Variants in AUTS2 observed in about 807,000 individuals in gnomAD.
The protein encoded by AUTS2 is autism susceptibility gene 2 protein.
In AUTS2, 17 loss-of-function variants were observed where a neutral mutation model predicts 112.4. That is an observed-to-expected ratio of 0.15 (90% CI 0.10 to 0.23). The LOEUF (loss-of-function observed/expected upper bound fraction) is 0.23. AUTS2 is among the 10% of genes least tolerant of loss of function. The pLI, the probability that AUTS2 is intolerant of heterozygous loss-of-function variation, is 1.00. For missense variants in AUTS2, 1,510 were observed against 1,701.6 expected, an observed-to-expected ratio of 0.89 and a Z score of 1.98; for synonymous variants, 751 against 702.7, an observed-to-expected ratio of 1.07 and a Z score of -1.09.
intron 2 of AUTS2, among the ~76,000 whole-genome samples, chr7:70,055,176 T>C (rs547923113): frequency 1.3e-5 from 2 of 152,344 alleles, no homozygotes; most frequent in South Asian, 4.1e-4. Context: ...GGCTCACTTC[T>C]GTAATGCCAG....
chr7:70,730,898 A>T (rs1218518345), intron 6 of AUTS2, among the ~76,000 whole-genome samples: 1 of 152,208 alleles, frequency 6.6e-6, no homozygotes, highest in Non-Finnish European at 1.5e-5. Context: ...GTTTCTCCAT[A>T]TACTTGTCAG....
At position 70,243,231 on chromosome 7, in the gene AUTS2, T is replaced by TTGTGTG. The variant is rs3078161; in HGVS notation, c.660+108704_660+108709dup. On this transcript the variant is annotated intron_variant, in intron 4 of 18. Coordinates refer to ENST00000342771, the MANE Select transcript of AUTS2 (RefSeq NM_015570.4). ...AAAATAGAGAGGAAAGAATGTATCC[T>TTGTGTG]TGTGTGTGTGTGTGTGTGTGTGTGT... 2.1e-3 allele frequency among the ~76,000 whole-genome samples: 273 copies of TTGTGTG among 131,750 alleles called. 1 individual carries two copies. Among genetic ancestry groups the TTGTGTG allele is most frequent in the East Asian group, 0.015 (67 of 4,490 alleles). The allele number at this position is 131,750 out of a possible 152,430, so 86.4% of individuals were successfully genotyped here.
At chr7:70,488,898 C>T (rs188047862) in intron 5 of AUTS2, among the ~76,000 whole-genome samples, 2 of 152,334 alleles carry the variant, frequency 1.3e-5, no homozygotes, top group Admixed American at 6.5e-5. Context: ...CTCTGTCCCA[C>T]GGGCTCACTT....
chr7:69,886,926 C>T (rs1258017552), intron 1 of AUTS2, among the ~76,000 whole-genome samples: 3 of 152,106 alleles, frequency 2.0e-5, no homozygotes, highest in Non-Finnish European at 4.4e-5. Flanking sequence ...AGGCATACGC[C>T]ACCACACCCA....
At chr7:70,398,980 CTTTT>C in intron 4 of AUTS2, among the ~76,000 whole-genome samples, 1 of 130,626 alleles carries the variant, frequency 7.7e-6, no homozygotes, top group South Asian at 2.5e-4. Context: ...TATGGTCTTT[CTTTT>C]TTTTTTTTTT....
At chr7:70,122,515 T>C (rs1805733796) in intron 3 of AUTS2, among the ~76,000 whole-genome samples, 1 of 152,192 alleles carries the variant, frequency 6.6e-6, no homozygotes, top group Admixed American at 6.5e-5. Context: ...CATATTTTCC[T>C]GCTTCTTTGT....
chr7:70,163,710 G>C (rs1808235530), intron 4 of AUTS2, among the ~76,000 whole-genome samples: 1 of 152,144 alleles, frequency 6.6e-6, no homozygotes, highest in Non-Finnish European at 1.5e-5. Flanking sequence ...TCATGCCCAA[G>C]ATATTCCACC....
At chr7:70,588,146 A>G (rs1802769013) in intron 5 of AUTS2, among the ~76,000 whole-genome samples, 1 of 152,228 alleles carries the variant, frequency 6.6e-6, no homozygotes, top group African/African-American at 2.4e-5. Context: ...AAGGAATGAT[A>G]TGTAGTGAGC....
intron 1 of AUTS2, among the ~76,000 whole-genome samples, chr7:69,773,458 CAA>C (rs746707793): frequency 9.2e-4 from 52 of 56,314 alleles, no homozygotes; most frequent in Non-Finnish European, 1.2e-3. Flanking sequence ...AGGCACAGAC[CAA>C]AAAAAAAAAA....
intron 2 of AUTS2, among the ~76,000 whole-genome samples, chr7:70,059,708 G>T (rs1802155277): frequency 6.6e-6 from 1 of 152,072 alleles, no homozygotes; most frequent in Non-Finnish European, 1.5e-5. Flanking sequence ...TGGAGTTCAT[G>T]GTAAATGTAG....
At chr7:70,486,476 C>T (rs1285576641) in intron 5 of AUTS2, among the ~76,000 whole-genome samples, 1 of 152,204 alleles carries the variant, frequency 6.6e-6, no homozygotes, top group Non-Finnish European at 1.5e-5. Context: ...GTGGCTCACG[C>T]CTGTAATCCC....
chr7:69,888,628 C>A lies in AUTS2; in HGVS notation c.310-10658C>A, dbSNP rs558927622. Among the ~76,000 whole-genome samples the A allele has an allele frequency of 1.9e-4, 28 of 150,314 alleles. No individual in the cohort carries two copies. The South Asian group carries it at 4.9e-3, about 26-fold the overall frequency. On this transcript the variant is annotated intron_variant, in intron 1 of 18. Coordinates refer to ENST00000342771, the MANE Select transcript of AUTS2 (RefSeq NM_015570.4). ...AGACAGTCTCACTCTGTCACCCAGG[C>A]TGGAGTGCAGTGGTGCGATCTCGGC...
chr7:69,867,768 T>G (rs1257530379), intron 1 of AUTS2, among the ~76,000 whole-genome samples: 1 of 152,152 alleles, frequency 6.6e-6, no homozygotes, highest in African/African-American at 2.4e-5. Context: ...TCATAATGTG[T>G]CACCCTCCCT....
In AUTS2 at chr7:70,771,004, G is replaced by A. The variant is rs535276890; in HGVS notation, c.1735-545G>A. 3.0e-3 allele frequency among the ~76,000 whole-genome samples: 461 copies of A among 152,112 alleles called. 2 individuals are homozygous for A. Among genetic ancestry groups the A allele is most frequent in the African/African-American group, 0.01 (435 of 41,522 alleles). On this transcript the variant is annotated intron_variant, in intron 10 of 18. Transcript: ENST00000342771. ...GAGAATTAAATTGTCCTCTGGAACT[G>A]CCACTTCTGCAACAACCTAATGAAG... is the stretch of plus-strand genomic sequence containing the variant.
intron 4 of AUTS2, among the ~76,000 whole-genome samples, chr7:70,413,597 G>T (rs184045972): frequency 6.6e-6 from 1 of 152,168 alleles, no homozygotes; most frequent in Non-Finnish European, 1.5e-5. Context: ...GTATAAACCC[G>T]CAATGTCTTC....
intron 4 of AUTS2, among the ~76,000 whole-genome samples, chr7:70,164,700 A>G (rs1808289222): frequency 6.6e-6 from 1 of 152,172 alleles, no homozygotes. Flanking sequence ...ACACAATTCA[A>G]CTACTGAGTA....
At chr7:69,863,954 A>G (rs576581016) in intron 1 of AUTS2, among the ~76,000 whole-genome samples, 17 of 152,292 alleles carry the variant, frequency 1.1e-4, no homozygotes, top group Middle Eastern at 3.4e-3. Flanking sequence ...CAGGCTTGCA[A>G]TCTGCCTTCC....
chr7:70,298,733 A>AAC (rs1789062652), intron 4 of AUTS2, among the ~76,000 whole-genome samples: 1 of 152,204 alleles, frequency 6.6e-6, no homozygotes, highest in African/African-American at 2.4e-5. Context: ...CTTAACCCAA[A>AAC]TTAACACATG....
At chr7:70,559,253 C>A (rs1801379314) in intron 5 of AUTS2, among the ~76,000 whole-genome samples, 1 of 152,114 alleles carries the variant, frequency 6.6e-6, no homozygotes, top group Non-Finnish European at 1.5e-5. Context: ...TATAAATTAC[C>A]CAATCTTGAG....
Sources: gnomAD v4.1 joint callset for allele counts (sites outside exome capture counted in the v4.1 genomes callset) on GRCh38, gnomAD v4.1.1 for gene constraint, MANE v1.5 for transcripts, NCBI Gene and HGNC (gene_info 2026-07-23, HGNC 2026-07-21) for gene names.